The following RTN3 variants were observed in gnomAD, a reference collection of about 807,000 sequenced individuals.
RTN3 encodes the protein reticulon 3.
Under a neutral mutation model 77.8 loss-of-function variants are expected in RTN3, and 49 were observed. The observed-to-expected ratio is 0.63, with a 90% CI of 0.50 to 0.80. The LOEUF is 0.80. Ranked by LOEUF, RTN3 falls within the 30% of genes least tolerant of loss-of-function variation. The probability of loss-of-function intolerance (pLI) is 0.00; values close to 1 mark genes in which losing one functional copy is unlikely to be tolerated. For synonymous variants in RTN3, 464 were observed against 446.9 expected (o/e 1.04, Z -0.48); for missense variants, 1,236 against 1,211.9 (o/e 1.02, Z -0.29).
intron 3 of RTN3, among the ~76,000 whole-genome samples, chr11:63,722,341 T>C (rs2011880003): frequency 6.6e-6 from 1 of 152,242 alleles, no homozygotes; most frequent in Non-Finnish European, 1.5e-5. Flanking sequence ...TGTGCCTTTT[T>C]ATAAAGGCAT....
At chr11:63,724,693 A>G (rs1354815620) in intron 3 of RTN3, among the ~76,000 whole-genome samples, 1 of 151,582 alleles carries the variant, frequency 6.6e-6, no homozygotes, top group African/African-American at 2.4e-5. Flanking sequence ...GAGTTTCACT[A>G]TATTGGCCAG....
intron 1 of RTN3, among the ~76,000 whole-genome samples, chr11:63,699,437 A>G (rs910006066): frequency 1.3e-5 from 2 of 152,050 alleles, no homozygotes; most frequent in Non-Finnish European, 2.9e-5. Flanking sequence ...TCTTGTCAGC[A>G]GTCCTCTCAT....
chr11:63,704,702 C>A, intron 1 of RTN3, 149 bp from the exon 2 acceptor site: 7 of 526,794 alleles, frequency 1.3e-5, no homozygotes, highest in East Asian at 8.8e-5. Flanking sequence ...TGAGTGAAAA[C>A]AATAATTGGA....
intron 2 of RTN3, among the ~76,000 whole-genome samples, chr11:63,715,711 G>C (rs560964368): frequency 6.6e-6 from 1 of 152,078 alleles, no homozygotes; most frequent in South Asian, 2.1e-4. Flanking sequence ...CCTCCCCTGT[G>C]GGGTGGAGTC....
chr11:63,736,187 T>C (rs2013107353), intron 3 of RTN3, among the ~76,000 whole-genome samples: 1 of 152,056 alleles, frequency 6.6e-6, no homozygotes, highest in Non-Finnish European at 1.5e-5. Flanking sequence ...CCCACTTTCT[T>C]TCTCCCTGGA....
chr11:63,709,539 G>A (rs1292277859), intron 2 of RTN3, among the ~76,000 whole-genome samples: 6 of 151,774 alleles, frequency 4.0e-5, no homozygotes, highest in African/African-American at 1.5e-4. Context: ...AACTTTGGGG[G>A]CAAGCATTGA....
rs761023393 is a variant in RTN3 at position 63,720,521 on chromosome 11, T to A, written c.2019T>A (p.Ala673=). The A allele has an allele frequency of 2.5e-6, 4 of 1,614,046 alleles. No individual in the cohort carries two copies. The highest frequency in any genetic ancestry group is 2.5e-6 in the Non-Finnish European group (3 of 1,179,990). The change falls in exon 3 of 9, where the codon GCT becomes GCA. Residue 673 remains alanine (A), a synonymous_variant. Coordinates refer to ENST00000377819, the MANE Select transcript of RTN3 (RefSeq NM_001265589.2). ...DKGIVDSERN[A]FKAISEKMTD... ...GAATAGTAGATAGTGAAAGAAATGC[T>A]TTTAAAGCAATATCAGAGAAGATGA...
chr11:63,712,324 G>A (rs1166594221), intron 2 of RTN3, among the ~76,000 whole-genome samples: 1 of 152,046 alleles, frequency 6.6e-6, no homozygotes, highest in Non-Finnish European at 1.5e-5. Flanking sequence ...ATTTATTGGG[G>A]ATTTACTAAG....
intron 3 of RTN3, among the ~76,000 whole-genome samples, chr11:63,732,925 T>C (rs1346080932): frequency 6.6e-6 from 1 of 152,152 alleles, no homozygotes; most frequent in Non-Finnish European, 1.5e-5. Flanking sequence ...TCAGAAGATA[T>C]TAGCAGATCA....
intron 1 of RTN3, among the ~76,000 whole-genome samples, chr11:63,695,926 A>T (rs1383140105): frequency 1.3e-5 from 2 of 152,072 alleles, no homozygotes; most frequent in Non-Finnish European, 2.9e-5. Context: ...AATAATAAAT[A>T]GTAAGTAAAA....
At chr11:63,717,744 C>T (rs1055202689) in intron 2 of RTN3, among the ~76,000 whole-genome samples, 1 of 151,294 alleles carries the variant, frequency 6.6e-6, no homozygotes, top group Non-Finnish European at 1.5e-5. Flanking sequence ...CCAGGCGTAG[C>T]GGCTCACACC....
At chr11:63,722,286 GA>G (rs2011876925) in intron 3 of RTN3, among the ~76,000 whole-genome samples, 1 of 152,114 alleles carries the variant, frequency 6.6e-6, no homozygotes, top group Non-Finnish European at 1.5e-5. Flanking sequence ...GTATTTACAA[GA>G]AAATTAGATT....
chr11:63,748,761 G>A (rs112112260), intron 3 of RTN3, among the ~76,000 whole-genome samples: 9 of 149,928 alleles, frequency 6.0e-5, no homozygotes, highest in East Asian at 4.0e-4. Context: ...TCCGCTTCCC[G>A]GGTTCAAGCG....
intron 1 of RTN3, among the ~76,000 whole-genome samples, chr11:63,694,869 C>T (rs1941858534): frequency 6.6e-6 from 1 of 152,206 alleles, no homozygotes; most frequent in Non-Finnish European, 1.5e-5. Flanking sequence ...TATGCATTTA[C>T]TCTAATAAAT....
intron 8 of RTN3, among the ~76,000 whole-genome samples, chr11:63,757,922 G>A (rs981644043): frequency 2.0e-5 from 3 of 151,732 alleles, no homozygotes; most frequent in African/African-American, 7.3e-5. Flanking sequence ...GTAGAGACAG[G>A]GTTTCACCAC....
intron 3 of RTN3, among the ~76,000 whole-genome samples, chr11:63,736,980 T>TC (rs2013166016): frequency 6.6e-6 from 1 of 151,828 alleles, no homozygotes; most frequent in East Asian, 1.9e-4. Flanking sequence ...ATCCTTTTTT[T>TC]TTTTTTTTTC....
At chr11:63,711,384 A>AT (rs199782558) in intron 2 of RTN3, among the ~76,000 whole-genome samples, 16,509 of 144,052 alleles carry the variant, frequency 0.11, 1,016 homozygotes, top group South Asian at 0.17. Context: ...TGGGTTTTTT[A>AT]TTTTTTTTTT....
At chr11:63,690,916 G>A (rs1941621378) in intron 1 of RTN3, among the ~76,000 whole-genome samples, 2 of 152,000 alleles carry the variant, frequency 1.3e-5, no homozygotes, top group African/African-American at 4.8e-5. Context: ...CCATTTTAAG[G>A]TGGGTTTTAG....
At position 63,720,952 on chromosome 11, in the gene RTN3, G is replaced by C; in HGVS notation, c.2450G>C (p.Arg817Thr). Residue 817 changes from arginine (R) to threonine (T), a missense_variant, in exon 3 of 9, where the codon AGG becomes ACG. Arg to Thr is a moderately conservative substitution (Grantham distance 71). Coordinates refer to ENST00000377819, the MANE Select transcript of RTN3 (RefSeq NM_001265589.2). Reference protein sequence around the residue: ...QKPITIRETTRVDAVSSLSKT... With the variant: ...QKPITIRETTTVDAVSSLSKT... ...CCCATCACTATCAGAGAAACTACTA[G>C]GGTAGATGCTGTTTCCAGCCTTAGC... The C allele has an allele frequency of 1.2e-6, 2 of 1,613,980 alleles. No homozygotes were observed. The highest frequency in any genetic ancestry group is 2.2e-5 in the South Asian group (2 of 91,076).
Sources: gnomAD v4.1 joint callset for allele counts (sites outside exome capture counted in the v4.1 genomes callset) on GRCh38, gnomAD v4.1.1 for gene constraint, MANE v1.5 for transcripts, NCBI Gene and HGNC (gene_info 2026-07-23, HGNC 2026-07-21) for gene names.